LRP1B: variants seen among roughly 807,000 people sequenced by gnomAD.
The protein encoded by LRP1B is LDL receptor related protein 1B, also known as low-density lipoprotein receptor-related protein 1B.
LRP1B carries 217 observed loss-of-function variants against 556.6 expected under a neutral mutation model. The ratio of observed to expected loss-of-function variants is 0.39; its 90% CI spans 0.35 to 0.44. The LOEUF is 0.44. Ranked by LOEUF, LRP1B falls within the 20% of genes least tolerant of loss-of-function variation. The pLI is 1.00. For missense variants in LRP1B, 5,053 were observed against 5,620.8 expected (o/e 0.90, Z 3.23); for synonymous variants, 2,047 against 1,865.8 (o/e 1.10, Z -2.50).
At chr2:141,207,454 A>G (rs994402161) in intron 6 of LRP1B, among the ~76,000 whole-genome samples, 1 of 152,224 alleles carries the variant, frequency 6.6e-6, no homozygotes, top group African/African-American at 2.4e-5. Context: ...ACTGGTTCAT[A>G]TAAGCTGAAA....
In LRP1B at chr2:141,520,329, A is replaced by C. The variant is rs543573990; in HGVS notation, c.206-39796T>G. Among the ~76,000 whole-genome samples the C allele has an allele frequency of 9.2e-5, 14 of 152,302 alleles. No homozygotes were observed. In the East Asian group the frequency reaches 2.3e-3, roughly 25 times the overall value. ...GATTCTGTCAGAGCATCCTTATCAAAACCAGTCGTAATTGCCATTTCCTTG... is the reference window on the plus strand; with the variant it reads ...GATTCTGTCAGAGCATCCTTATCAACACCAGTCGTAATTGCCATTTCCTTG... On this transcript the variant is annotated intron_variant, in intron 2 of 90. Coordinates refer to ENST00000389484, the MANE Select transcript of LRP1B (RefSeq NM_018557.3).
At chr2:140,235,432 C>A (rs1351071737) in intron 89 of LRP1B, among the ~76,000 whole-genome samples, 1 of 151,112 alleles carries the variant, frequency 6.6e-6, no homozygotes, top group South Asian at 2.1e-4. Flanking sequence ...AAAGTGAATG[C>A]TCTATAAAAT....
chr2:140,853,135 A>C (rs1258281330), intron 27 of LRP1B, among the ~76,000 whole-genome samples: 2 of 152,016 alleles, frequency 1.3e-5, no homozygotes, highest in African/African-American at 4.8e-5. Context: ...CTCTTTCCTG[A>C]AACAGGTCAT....
At chr2:141,238,773 A>T (rs1683751988) in intron 5 of LRP1B, among the ~76,000 whole-genome samples, 1 of 152,104 alleles carries the variant, frequency 6.6e-6, no homozygotes, top group South Asian at 2.1e-4. Context: ...AAAAGAGTGC[A>T]GTGAAGGATG....
At chr2:141,697,867 C>T (rs1428037935) in intron 2 of LRP1B, among the ~76,000 whole-genome samples, 2 of 151,972 alleles carry the variant, frequency 1.3e-5, no homozygotes, top group East Asian at 1.9e-4. Flanking sequence ...AGGTACAGCA[C>T]TCAGCACTGT....
chr2:141,083,755 C>G (rs1427101312), intron 7 of LRP1B, among the ~76,000 whole-genome samples: 1 of 152,064 alleles, frequency 6.6e-6, no homozygotes, highest in African/African-American at 2.4e-5. Context: ...GTGTTCAGCC[C>G]CCTTACCATC....
At chr2:141,035,039 G>A (rs1698490416) in intron 11 of LRP1B, among the ~76,000 whole-genome samples, 1 of 152,012 alleles carries the variant, frequency 6.6e-6, no homozygotes, top group African/African-American at 2.4e-5. Flanking sequence ...AAAAAATGAT[G>A]AGTTCATGTC....
chr2:140,598,634 T>C lies in LRP1B; in HGVS notation c.7191A>G (p.Arg2397=). The change falls in exon 43 of 91, where the codon AGA becomes AGG. Residue 2397 remains arginine (R), a synonymous_variant. Coordinates refer to ENST00000389484, the MANE Select transcript of LRP1B (RefSeq NM_018557.3). ...AAGAAATTCCTGATTAACTTACATGTCTCTGGGATCCATCGTATTCACACC... is the reference window on the plus strand; with the variant it reads ...AAGAAATTCCTGATTAACTTACATGCCTCTGGGATCCATCGTATTCACACC... ...IERCEYDGSQ[R]HVIVKSGPGT... is the part of the protein sequence containing the mutation. 1 of 1,611,204 alleles carries C rather than the reference T, an allele frequency of 6.2e-7. No individual in the cohort carries two copies.
intron 2 of LRP1B, among the ~76,000 whole-genome samples, chr2:141,725,119 T>C (rs977996347): frequency 6.6e-6 from 1 of 151,908 alleles, no homozygotes; most frequent in Admixed American, 6.6e-5. Flanking sequence ...GTTAAATATA[T>C]GTAATTGGGA....
At chr2:140,974,804 A>C (rs1416753668) in intron 18 of LRP1B, among the ~76,000 whole-genome samples, 1 of 152,234 alleles carries the variant, frequency 6.6e-6, no homozygotes, top group Non-Finnish European at 1.5e-5. Context: ...ATAGGGGAGT[A>C]CTGCACAAGT....
At chr2:141,154,130 T>C (rs371680587) in intron 7 of LRP1B, among the ~76,000 whole-genome samples, 3 of 151,902 alleles carry the variant, frequency 2.0e-5, no homozygotes, top group East Asian at 3.9e-4. Context: ...ACTTGTTCAG[T>C]TCAATAGATT....
intron 63 of LRP1B, among the ~76,000 whole-genome samples, chr2:140,450,036 G>T (rs925467630): frequency 1.3e-5 from 2 of 152,128 alleles, no homozygotes; most frequent in African/African-American, 4.8e-5. Flanking sequence ...GACATACTTG[G>T]TAATATCTTT....
At chr2:140,684,071 T>A (rs1471391696) in intron 41 of LRP1B, among the ~76,000 whole-genome samples, 1 of 152,160 alleles carries the variant, frequency 6.6e-6, no homozygotes, top group Non-Finnish European at 1.5e-5. Context: ...TATATTTTAA[T>A]AATACCAATG....
At chr2:141,369,950 T>C (rs1689170041) in intron 3 of LRP1B, among the ~76,000 whole-genome samples, 1 of 152,222 alleles carries the variant, frequency 6.6e-6, no homozygotes, top group African/African-American at 2.4e-5. Context: ...GTTCCATTCA[T>C]GTTGCTGCAA....
intron 1 of LRP1B, among the ~76,000 whole-genome samples, chr2:141,885,016 A>C (rs1369857668): frequency 1.3e-5 from 2 of 152,196 alleles, no homozygotes; most frequent in Non-Finnish European, 2.9e-5. Context: ...TTATCAATTC[A>C]GGTTGATGTG....
intron 32 of LRP1B, among the ~76,000 whole-genome samples, chr2:140,791,874 T>C (rs191467054): frequency 1.3e-5 from 2 of 152,302 alleles, no homozygotes; most frequent in African/African-American, 2.4e-5. Context: ...CTGAAGGCAA[T>C]TGAGAATCAG....
intron 31 of LRP1B, among the ~76,000 whole-genome samples, chr2:140,833,168 G>T (rs1691775813): frequency 6.6e-6 from 1 of 152,004 alleles, no homozygotes; most frequent in South Asian, 2.1e-4. Context: ...CCTTAAACTG[G>T]AATAAATGGG....
At chr2:141,100,833 A>G (rs574460136) in intron 7 of LRP1B, among the ~76,000 whole-genome samples, 7 of 152,182 alleles carry the variant, frequency 4.6e-5, no homozygotes, top group African/African-American at 1.4e-4. Context: ...TAGCTAAGAC[A>G]GAAGGCCTGC....
chr2:141,770,428 G>A (rs186230255), intron 2 of LRP1B, among the ~76,000 whole-genome samples: 3 of 152,264 alleles, frequency 2.0e-5, no homozygotes, highest in Non-Finnish European at 2.9e-5. Context: ...CTCCCCATGA[G>A]TATTTAATAA....
Sources: allele counts gnomAD v4.1 joint callset (sites outside exome capture counted in the v4.1 genomes callset), GRCh38; gene constraint gnomAD v4.1.1; transcripts MANE v1.5; gene names NCBI Gene and HGNC (gene_info 2026-07-23, HGNC 2026-07-21).